The following CDC42BPB variants were observed in gnomAD, a reference collection of about 807,000 sequenced individuals.
CDC42BPB encodes CDC42 binding protein kinase beta, also known as serine/threonine-protein kinase MRCK beta.
Under a neutral mutation model 214.9 loss-of-function variants are expected in CDC42BPB, and 37 were observed. The observed-to-expected ratio is 0.17, with a 90% CI of 0.13 to 0.23. The LOEUF is 0.23. Ranked by LOEUF, CDC42BPB falls within the 10% of genes least tolerant of loss-of-function variation. CDC42BPB has a pLI of 1.00. For missense variants in CDC42BPB, 1,694 were observed against 2,227.0 expected, an observed-to-expected ratio of 0.76 and a Z score of 4.82; for synonymous variants, 931 against 884.0, an observed-to-expected ratio of 1.05 and a Z score of -0.94.
At chr14:102,976,773 C>A (rs1052664775) in intron 9 of CDC42BPB, among the ~76,000 whole-genome samples, 2 of 152,214 alleles carry the variant, frequency 1.3e-5, no homozygotes, top group Admixed American at 6.5e-5. Flanking sequence ...GGGTGCTGGG[C>A]TGCTCCAGCC....
chr14:103,037,993 C>T (rs1288840871), intron 1 of CDC42BPB, among the ~76,000 whole-genome samples: 5 of 150,058 alleles, frequency 3.3e-5, no homozygotes, highest in Admixed American at 2.0e-4. Flanking sequence ...CATGCCACTG[C>T]CCTCCAGCCT....
chr14:103,047,761 G>C (rs1222957888), intron 1 of CDC42BPB, among the ~76,000 whole-genome samples: 1 of 151,986 alleles, frequency 6.6e-6, no homozygotes. Flanking sequence ...AAAATTAGCT[G>C]GGTGTGGTGG....
rs1406977267 is a variant in CDC42BPB at position 102,933,098 on chromosome 14, A to C, written c.*614T>G. On this transcript the variant is annotated 3_prime_UTR_variant, in exon 37 of 37. Transcript: ENST00000361246. ...TGGTGACACTTCATGGCTGCGACCC[A>C]GAATGAACTTAATGCACACAGGGAC... 1 of 152,510 alleles carries C rather than the reference A, an allele frequency of 6.6e-6. No individual in the cohort carries two copies. Among genetic ancestry groups the C allele is most frequent in the Non-Finnish European group, 1.5e-5 (1 of 68,050 alleles). The allele number at this position is 152,510 out of a possible 1,614,324, so 9.4% of individuals were successfully genotyped here. A position where few individuals can be genotyped will look rare whatever the true frequency, so the allele number is the denominator to read the frequency against.
intron 1 of CDC42BPB, among the ~76,000 whole-genome samples, chr14:103,047,148 G>A (rs937517336): frequency 6.7e-6 from 1 of 149,150 alleles, no homozygotes; most frequent in African/African-American, 2.6e-5. Flanking sequence ...GCTGGGCTTG[G>A]TGGTGGACGC....
chr14:103,035,022 C>T (rs918934003), intron 1 of CDC42BPB, among the ~76,000 whole-genome samples: 3 of 151,862 alleles, frequency 2.0e-5, no homozygotes, highest in Admixed American at 1.3e-4. Context: ...TTCAAAAATA[C>T]CACCATTCAA....
At chr14:102,967,977 C>T (rs542122128) in intron 16 of CDC42BPB, among the ~76,000 whole-genome samples, 6 of 152,166 alleles carry the variant, frequency 3.9e-5, no homozygotes, top group African/African-American at 1.2e-4. Context: ...CGCCTGTAGT[C>T]CCAGCCACTT....
chr14:102,953,095 G>A (rs1892561428), intron 23 of CDC42BPB, among the ~76,000 whole-genome samples: 1 of 152,264 alleles, frequency 6.6e-6, no homozygotes, highest in Admixed American at 6.5e-5. Flanking sequence ...TGGACACATT[G>A]TGAACCCAGC....
chr14:103,057,434 GCCCGCCCCCGCCGCCCTCAGC>G lies in CDC42BPB; in HGVS notation c.-282_-262del. The G allele has an allele frequency of 1.9e-6, 1 of 532,276 alleles. No homozygotes were observed. Among genetic ancestry groups the G allele is most frequent in the South Asian group, 7.5e-5 (1 of 13,410 alleles). The allele number at this position is 532,276 out of a possible 1,614,324, so 33.0% of individuals were successfully genotyped here. A position where few individuals can be genotyped will look rare whatever the true frequency, so the allele number is the denominator to read the frequency against. ...CGCCGCCGCCCTCCCAGCTCGGGCGGCCCGCCCCCGCCGCCCTCAGCCCCGCCCGCGGCCGCGCCCTCCCCG... is the reference window on the plus strand; with the variant it reads ...CGCCGCCGCCCTCCCAGCTCGGGCGGCCCGCCCGCGGCCGCGCCCTCCCCG... On this transcript the variant is annotated 5_prime_UTR_variant, in exon 1 of 37. Coordinates refer to ENST00000361246, the MANE Select transcript of CDC42BPB (RefSeq NM_006035.4).
chr14:102,956,354 T>C, intron 21 of CDC42BPB: 1 of 571,948 alleles, frequency 1.7e-6, no homozygotes, highest in Non-Finnish European at 2.2e-6. Context: ...GGCATGAAGA[T>C]ATATTGACTT....
rs755007496 is a variant in CDC42BPB, at chr14:102,933,721, A to G, written c.5127T>C (p.Cys1709=). ...LPLEGLEQPA[C]DT Reference sequence around the variant, plus strand: ...TGGCGAGCTGGCGGCTTCAGGTGTCACAGGCCGGCTGCTCCAGGCCTTCGA... The same window carrying G: ...TGGCGAGCTGGCGGCTTCAGGTGTCGCAGGCCGGCTGCTCCAGGCCTTCGA... Residue 1709 remains cysteine (C), a synonymous_variant, in exon 37 of 37, where the codon TGT becomes TGC. Transcript: ENST00000361246. 10 of 1,474,842 alleles carry G rather than the reference A, an allele frequency of 6.8e-6. No homozygotes were observed. The African/African-American group carries it at 1.2e-4, about 17-fold the overall frequency. 91.4% of individuals were successfully genotyped at this position (1,474,842 alleles called of 1,614,324 possible). A position where few individuals can be genotyped will look rare whatever the true frequency, so the allele number is the denominator to read the frequency against.
intron 28 of CDC42BPB, 47 bp from the exon 29 acceptor site, chr14:102,945,771 G>C: frequency 6.4e-7 from 1 of 1,559,380 alleles, no homozygotes. Context: ...AGCCGACCGT[G>C]AACAATATGG....
At chr14:103,027,562 A>G (rs113510762) in intron 1 of CDC42BPB, among the ~76,000 whole-genome samples, 62 of 152,378 alleles carry the variant, frequency 4.1e-4, no homozygotes, top group African/African-American at 1.3e-3. Flanking sequence ...TTAAATAACA[A>G]TACAACATGG....
chr14:102,961,084 T>C (rs909290035), intron 20 of CDC42BPB, among the ~76,000 whole-genome samples: 3 of 152,086 alleles, frequency 2.0e-5, no homozygotes, highest in African/African-American at 7.2e-5. Flanking sequence ...GGAGGATCAC[T>C]TGAGCCCAGA....
At chr14:102,973,417 TAA>T (rs1194441558) in intron 12 of CDC42BPB, among the ~76,000 whole-genome samples, 1 of 152,226 alleles carries the variant, frequency 6.6e-6, no homozygotes, top group Non-Finnish European at 1.5e-5. Context: ...CACCTGAGCA[TAA>T]AAGTTTCCCA....
In CDC42BPB at chr14:102,946,674, G is replaced by C. The variant is rs1293777219; in HGVS notation, c.3542C>G (p.Ser1181Cys). 6.2e-7 allele frequency: 1 copy of C among 1,612,572 alleles called. No homozygotes were observed. The highest frequency in any genetic ancestry group is 8.5e-7 in the Non-Finnish European group (1 of 1,179,936). Residue 1181 changes from serine (S) to cysteine (C), a missense_variant, in exon 28 of 37, where the codon TCT becomes TGT. By Grantham distance (112) the Ser-to-Cys change is moderately radical. Coordinates refer to ENST00000361246, the MANE Select transcript of CDC42BPB (RefSeq NM_006035.4). Reference protein sequence around the residue: ...DIPCIFRVTASLLGAPSKTSS... With the variant: ...DIPCIFRVTACLLGAPSKTSS... ...GGTCTTAGAAGGTGCACCTAAGAGA[G>C]AGGCCGTCACCTTCATGACAGGAAA...
At position 102,933,125 on chromosome 14, in the gene CDC42BPB, CAGGGTGTCA is replaced by C. The variant is rs1891471698; in HGVS notation, c.*578_*586del. 3 of 152,634 alleles carry C rather than the reference CAGGGTGTCA, an allele frequency of 2.0e-5. No homozygotes were observed. Among genetic ancestry groups the C allele is most frequent in the Middle Eastern group, 3.4e-3 (1 of 294 alleles). 9.5% of individuals were successfully genotyped at this position (152,634 alleles called of 1,614,324 possible). ...AATGAACTTAATGCACACAGGGACG[CAGGGTGTCA>C]CTGGTCCTGGGCCTTTGTCCATGAC... is the stretch of plus-strand genomic sequence containing the variant. On this transcript the variant is annotated 3_prime_UTR_variant, in exon 37 of 37. Transcript: ENST00000361246.
chr14:103,046,643 G>A (rs1054560183), intron 1 of CDC42BPB, among the ~76,000 whole-genome samples: 1 of 152,126 alleles, frequency 6.6e-6, no homozygotes, highest in South Asian at 2.1e-4. Context: ...GTTACAAAAA[G>A]GAATACTGAG....
chr14:103,013,320 C>T (rs1028936469), intron 1 of CDC42BPB, among the ~76,000 whole-genome samples: 1 of 152,200 alleles, frequency 6.6e-6, no homozygotes, highest in Non-Finnish European at 1.5e-5. Context: ...GGTCCTGTGG[C>T]GTCTGTAACA....
In CDC42BPB at chr14:103,012,729, T is replaced by C. The variant is rs548565138; in HGVS notation, c.176-541A>G. On this transcript the variant is annotated intron_variant, in intron 1 of 36. Coordinates refer to ENST00000361246, the MANE Select transcript of CDC42BPB (RefSeq NM_006035.4). ...CTGACACAAGAGAATCGTTTGAACC[T>C]AGGCGCCGGAGGTTACAATGAGCCA... Among the ~76,000 whole-genome samples the C allele has an allele frequency of 2.0e-5, 3 of 152,204 alleles. No homozygotes were observed. The East Asian group carries it at 5.8e-4, about 29-fold the overall frequency.
Sources: gnomAD v4.1 joint callset for allele counts (sites outside exome capture counted in the v4.1 genomes callset) on GRCh38, gnomAD v4.1.1 for gene constraint, MANE v1.5 for transcripts, NCBI Gene and HGNC (gene_info 2026-07-23, HGNC 2026-07-21) for gene names.